EPN2: variants seen among roughly 807,000 people sequenced by gnomAD.
The protein encoded by EPN2 is epsin-2.
EPN2 carries 34 observed loss-of-function variants against 61.7 expected under a neutral mutation model. The ratio of observed to expected loss-of-function variants is 0.55; its 90% CI spans 0.42 to 0.73. The LOEUF (loss-of-function observed/expected upper bound fraction) is 0.73, where lower values mean the gene tolerates loss of function less well. EPN2 is among the 30% of genes least tolerant of loss of function. EPN2 has a pLI of 0.00. For synonymous variants in EPN2, 349 were observed against 353.6 expected (o/e 0.99, Z 0.15); for missense variants, 714 against 839.2 (o/e 0.85, Z 1.84).
At chr17:19,247,573 C>T (rs1330689504) in intron 1 of EPN2, among the ~76,000 whole-genome samples, 1 of 152,204 alleles carries the variant, frequency 6.6e-6, no homozygotes, top group Non-Finnish European at 1.5e-5. Flanking sequence ...GGGGTAGGTG[C>T]TTGAGTGTGT....
chr17:19,296,876 T>C (rs1349919000), intron 4 of EPN2: 1 of 152,404 alleles, frequency 6.6e-6, no homozygotes, highest in Admixed American at 6.5e-5. Context: ...CGCAAAGTGC[T>C]GGGGTTACGG....
chr17:19,295,534 G>T (rs561551637), intron 4 of EPN2, among the ~76,000 whole-genome samples: 1 of 151,064 alleles, frequency 6.6e-6, no homozygotes, highest in East Asian at 1.9e-4. Context: ...CTCCCTCTCA[G>T]AAAAAAAAGA....
chr17:19,246,813 G>T (rs1419881465), intron 1 of EPN2, among the ~76,000 whole-genome samples: 1 of 133,086 alleles, frequency 7.5e-6, no homozygotes, highest in Non-Finnish European at 1.5e-5. Flanking sequence ...CTGTCACCCA[G>T]GCTGGAGTGC....
chr17:19,308,008 A>T, intron 4 of EPN2: 1 of 985,118 alleles, frequency 1.0e-6, no homozygotes, highest in African/African-American at 1.7e-5. Flanking sequence ...AGGTGAATGA[A>T]TCCTGCTAGT....
At chr17:19,289,688 T>C (rs1433363512) in intron 4 of EPN2, among the ~76,000 whole-genome samples, 1 of 148,620 alleles carries the variant, frequency 6.7e-6, no homozygotes, top group Non-Finnish European at 1.5e-5. Context: ...ACAGTGCTTA[T>C]AGCCGTCAGC....
chr17:19,296,538 G>GA (rs886851029), intron 4 of EPN2: 1 of 152,068 alleles, frequency 6.6e-6, no homozygotes, highest in African/African-American at 2.4e-5. Flanking sequence ...AGAAAAAGAA[G>GA]AAAAAAATCC....
chr17:19,291,999 A>C (rs1399084667), intron 4 of EPN2, among the ~76,000 whole-genome samples: 1 of 152,164 alleles, frequency 6.6e-6, no homozygotes, highest in African/African-American at 2.4e-5. Flanking sequence ...CACACAAAGG[A>C]GAGTGTTTTG....
intron 7 of EPN2, among the ~76,000 whole-genome samples, chr17:19,325,800 G>T (rs757052499): frequency 2.7e-5 from 4 of 149,514 alleles, no homozygotes; most frequent in Non-Finnish European, 4.4e-5. Context: ...TCATTTGCAG[G>T]TGATGGGATT....
chr17:19,299,658 C>G (rs186481183), intron 4 of EPN2, among the ~76,000 whole-genome samples: 2 of 152,288 alleles, frequency 1.3e-5, no homozygotes, highest in Non-Finnish European at 2.9e-5. Context: ...AATAACAGCC[C>G]GAAGAGAATG....
Position 19,272,671 on chromosome 17 carries a change from G to GA in EPN2, c.-293-9283dup, listed in dbSNP as rs140922780. Among the ~76,000 whole-genome samples the GA allele has an allele frequency of 4.4e-3, 676 of 152,322 alleles. 6 individuals carry two copies. Among genetic ancestry groups the GA allele is most frequent in the African/African-American group, 0.015 (641 of 41,558 alleles). On this transcript the variant is annotated intron_variant, in intron 1 of 10. Transcript: ENST00000314728. ...CATCATGTTATTTGCATTTTGGCAT[G>GA]ATTTTTAAAAGAATGCTGTTCATAA...
intron 1 of EPN2, among the ~76,000 whole-genome samples, chr17:19,277,930 G>C (rs1006046793): frequency 1.3e-5 from 2 of 152,068 alleles, no homozygotes; most frequent in Non-Finnish European, 2.9e-5. Context: ...AAAATTAGCT[G>C]GGCGTGGTGG....
intron 8 of EPN2, 96 bp from the exon 9 acceptor site, chr17:19,329,465 C>T: frequency 4.2e-6 from 3 of 706,876 alleles, no homozygotes; most frequent in East Asian, 2.7e-5. Context: ...GGAGAGGCCC[C>T]TGTTGCCAGC....
At chr17:19,320,258 G>C (rs781543840) in intron 7 of EPN2, among the ~76,000 whole-genome samples, 1 of 152,176 alleles carries the variant, frequency 6.6e-6, no homozygotes, top group Non-Finnish European at 1.5e-5. Context: ...CCTGTGACCC[G>C]CATGCTGGCT....
chr17:19,246,267 A>G (rs1243330700), intron 1 of EPN2, among the ~76,000 whole-genome samples: 1 of 152,168 alleles, frequency 6.6e-6, no homozygotes, highest in East Asian at 1.9e-4. Context: ...CTGAGGCAGG[A>G]GGATCGCTTG....
chr17:19,314,397 G>T (rs1261452786), intron 7 of EPN2, among the ~76,000 whole-genome samples: 1 of 152,192 alleles, frequency 6.6e-6, no homozygotes, highest in Non-Finnish European at 1.5e-5. Context: ...GCACCAAGAG[G>T]CAGGGAGTTC....
At chr17:19,332,604 C>A (rs954327417) in intron 10 of EPN2, among the ~76,000 whole-genome samples, 1 of 152,188 alleles carries the variant, frequency 6.6e-6, no homozygotes, top group Non-Finnish European at 1.5e-5. Context: ...GGCCTGGTCC[C>A]ACCCTCCTCT....
chr17:19,271,002 T>G (rs2045247251), intron 1 of EPN2, among the ~76,000 whole-genome samples: 1 of 152,208 alleles, frequency 6.6e-6, no homozygotes. Flanking sequence ...AGCCTCAAGG[T>G]GTGAACTCTG....
chr17:19,302,912 G>A (rs2152227371), intron 4 of EPN2, among the ~76,000 whole-genome samples: 1 of 152,316 alleles, frequency 6.6e-6, no homozygotes, highest in Non-Finnish European at 1.5e-5. Context: ...GCTCTCTCAG[G>A]CTGATGACAC....
intron 7 of EPN2, among the ~76,000 whole-genome samples, chr17:19,323,096 C>T (rs1042624673): frequency 6.6e-6 from 1 of 152,156 alleles, no homozygotes; most frequent in Non-Finnish European, 1.5e-5. Flanking sequence ...TTGCTGGGTG[C>T]CACCCTAATG....
Sources: gnomAD v4.1 joint callset for allele counts (sites outside exome capture counted in the v4.1 genomes callset) on GRCh38, gnomAD v4.1.1 for gene constraint, MANE v1.5 for transcripts, NCBI Gene and HGNC (gene_info 2026-07-23, HGNC 2026-07-21) for gene names.